DSCAM: variants seen among roughly 807,000 people sequenced by gnomAD.
DSCAM encodes the protein cell adhesion molecule DSCAM.
Under a neutral mutation model 217.7 loss-of-function variants are expected in DSCAM, and 47 were observed. The ratio of observed to expected loss-of-function variants is 0.22; its 90% confidence interval spans 0.17 to 0.28. The LOEUF is 0.28. Among genes scored for constraint, DSCAM ranks in the 10% least tolerant of loss-of-function variants. DSCAM has a pLI of 1.00. For synonymous variants in DSCAM, 1,056 were observed against 1,015.3 expected, an observed-to-expected ratio of 1.04 and a Z score of -0.76; for missense variants, 2,080 against 2,618.3, an observed-to-expected ratio of 0.79 and a Z score of 4.49.
chr21:40,464,719 C>G (rs1057186185), intron 3 of DSCAM, among the ~76,000 whole-genome samples: 3 of 151,616 alleles, frequency 2.0e-5, no homozygotes, highest in Non-Finnish European at 4.4e-5. Context: ...TGTTCCGTCA[C>G]TAATTCATTC....
At chr21:40,665,960 T>C (rs958691375) in intron 3 of DSCAM, among the ~76,000 whole-genome samples, 21 of 111,886 alleles carry the variant, frequency 1.9e-4, no homozygotes, top group Non-Finnish European at 4.0e-4. Context: ...ACTTAGAGTG[T>C]GGAATCAGCT....
At chr21:40,649,730 T>C (rs1413941932) in intron 3 of DSCAM, among the ~76,000 whole-genome samples, 1 of 152,134 alleles carries the variant, frequency 6.6e-6, no homozygotes, top group East Asian at 1.9e-4. Flanking sequence ...ATAGAGATGT[T>C]GTGCAGGAAA....
At chr21:40,404,785 A>C (rs1390871251) in intron 3 of DSCAM, among the ~76,000 whole-genome samples, 4 of 152,178 alleles carry the variant, frequency 2.6e-5, no homozygotes, top group Non-Finnish European at 5.9e-5. Context: ...TCCTCTAGGA[A>C]AGTCTCCTCA....
At chr21:40,678,733 C>T (rs1203808080) in intron 3 of DSCAM, among the ~76,000 whole-genome samples, 1 of 152,138 alleles carries the variant, frequency 6.6e-6, no homozygotes, top group African/African-American at 2.4e-5. Flanking sequence ...CACACAAAAG[C>T]TATCCATGGC....
At chr21:40,101,056 C>T (rs1390288163) in intron 20 of DSCAM, among the ~76,000 whole-genome samples, 2 of 152,222 alleles carry the variant, frequency 1.3e-5, no homozygotes, top group African/African-American at 2.4e-5. Flanking sequence ...TGAGGGATCC[C>T]ATCCCCCATG....
At chr21:40,365,690 T>A (rs1179569997) in intron 4 of DSCAM, among the ~76,000 whole-genome samples, 1 of 152,180 alleles carries the variant, frequency 6.6e-6, no homozygotes, top group Non-Finnish European at 1.5e-5. Flanking sequence ...TTCAGCAATC[T>A]CCTCTAAAAC....
chr21:40,746,456 G>C (rs1011799788), intron 1 of DSCAM, among the ~76,000 whole-genome samples: 1 of 147,284 alleles, frequency 6.8e-6, no homozygotes, highest in African/African-American at 2.5e-5. Flanking sequence ...TAAACAAAAA[G>C]ACCATGATAT....
intron 3 of DSCAM, among the ~76,000 whole-genome samples, chr21:40,649,693 G>GT (rs1188890650): frequency 1.3e-5 from 2 of 152,164 alleles, no homozygotes; most frequent in African/African-American, 2.4e-5. Flanking sequence ...GCTTTGAGAG[G>GT]TGAGTGTGCC....
intron 1 of DSCAM, among the ~76,000 whole-genome samples, chr21:40,827,482 A>AAAAG (rs1555892997): frequency 1.5e-5 from 2 of 137,092 alleles, no homozygotes; most frequent in African/African-American, 5.3e-5. Flanking sequence ...AAAAAAAAAA[A>AAAAG]AAAAGAAAAG....
rs568041377 is a variant in DSCAM at position 40,162,677 on chromosome 21, A to G, written c.3018+4541T>C. Among the ~76,000 whole-genome samples the G allele has an allele frequency of 2.5e-4, 38 of 152,340 alleles. No homozygotes were observed. In the South Asian group the frequency reaches 7.9e-3, roughly 32 times the overall value. On this transcript the variant is annotated intron_variant, in intron 16 of 32. Coordinates refer to ENST00000400454, the MANE Select transcript of DSCAM (RefSeq NM_001389.5). ...TACTGAAATTTAATTAAATCTCTGA[A>G]TATTCAACTTAGTATTTTACAGAAA...
chr21:40,443,528 C>A (rs2075649883), intron 3 of DSCAM, among the ~76,000 whole-genome samples: 1 of 152,104 alleles, frequency 6.6e-6, no homozygotes, highest in African/African-American at 2.4e-5. Flanking sequence ...TTCCACAGTC[C>A]TACTCCTCAT....
chr21:40,746,740 A>C (rs2146552627), intron 1 of DSCAM, among the ~76,000 whole-genome samples: 3 of 152,092 alleles, frequency 2.0e-5, no homozygotes, highest in African/African-American at 7.2e-5. Context: ...CATTTACAGA[A>C]CTTTCCACCC....
intron 1 of DSCAM, among the ~76,000 whole-genome samples, chr21:40,790,063 G>T (rs925554035): frequency 6.6e-6 from 1 of 152,028 alleles, no homozygotes; most frequent in Non-Finnish European, 1.5e-5. Context: ...GTACAGAAAC[G>T]GATGATTTCT....
chr21:40,324,624 A>C (rs1215810760), intron 8 of DSCAM, among the ~76,000 whole-genome samples: 3 of 152,230 alleles, frequency 2.0e-5, no homozygotes, highest in Non-Finnish European at 2.9e-5. Flanking sequence ...ACGACCAAGA[A>C]CTTAAAAACT....
chr21:40,046,447 T>C (rs953788179), intron 30 of DSCAM, among the ~76,000 whole-genome samples: 11 of 151,914 alleles, frequency 7.2e-5, no homozygotes, highest in Admixed American at 5.9e-4. Context: ...GATGAGAATG[T>C]AAATGAGTTA....
intron 3 of DSCAM, among the ~76,000 whole-genome samples, chr21:40,468,657 C>T (rs1056601613): frequency 3.3e-5 from 5 of 152,116 alleles, no homozygotes; most frequent in African/African-American, 1.2e-4. Context: ...GCACATTATG[C>T]TGCTTCCAGA....
chr21:40,667,052 G>A (rs1432002383), intron 3 of DSCAM, among the ~76,000 whole-genome samples: 2 of 152,202 alleles, frequency 1.3e-5, no homozygotes, highest in Non-Finnish European at 2.9e-5. Context: ...TTGGTGGGAT[G>A]CCCCACTCTC....
intron 11 of DSCAM, among the ~76,000 whole-genome samples, chr21:40,202,573 G>T (rs1200085307): frequency 2.6e-5 from 4 of 152,306 alleles, no homozygotes; most frequent in African/African-American, 9.6e-5. Context: ...TCCTAGGGTT[G>T]CTGTAGAGAT....
At chr21:40,668,948 T>G (rs969352134) in intron 3 of DSCAM, among the ~76,000 whole-genome samples, 2 of 152,108 alleles carry the variant, frequency 1.3e-5, no homozygotes, top group South Asian at 4.2e-4. Flanking sequence ...AAAGATTGTA[T>G]TGAGTTCAGG....
Sources: gnomAD v4.1 joint callset for allele counts (sites outside exome capture counted in the v4.1 genomes callset) on GRCh38, gnomAD v4.1.1 for gene constraint, MANE v1.5 for transcripts, NCBI Gene and HGNC (gene_info 2026-07-23, HGNC 2026-07-21) for gene names.